Variants in ZNF446 observed in about 807,000 individuals in gnomAD.
ZNF446 encodes zinc finger protein with KRAB and SCAN domains 20.
Under a neutral mutation model 34.0 loss-of-function variants are expected in ZNF446, and 42 were observed. The observed-to-expected ratio is 1.23, with a 90% confidence interval of 0.96 to 1.60. The LOEUF (loss-of-function observed/expected upper bound fraction) is 1.60. Among genes scored for constraint, ZNF446 ranks in the 40% most tolerant of loss-of-function variants. The pLI is 0.00. For missense variants in ZNF446, 650 were observed against 600.2 expected, an observed-to-expected ratio of 1.08 and a Z score of -0.87; for synonymous variants, 315 against 251.0, an observed-to-expected ratio of 1.25 and a Z score of -2.41.
chr19:58,484,682 A>C (rs1365849867), downstream of ZNF446, among the ~76,000 whole-genome samples: 1 of 151,968 alleles, frequency 6.6e-6, no homozygotes, highest in African/African-American at 2.4e-5. Flanking sequence ...TTTTCGATAA[A>C]ATTTTTTTTA....
rs543909079 is a variant in ZNF446 at position 58,479,368 on chromosome 19, G to A, written c.628-275G>A. On this transcript the variant is annotated intron_variant, in intron 4 of 6. Coordinates refer to ENST00000594369, the MANE Select transcript of ZNF446 (RefSeq NM_017908.4). ...CCCCCAATCAGGGAGTTCATTCCTC[G>A]ATAAAGTCACTCAGGTCCCTGTGAT... 5.3e-5 allele frequency: 23 copies of A among 434,668 alleles called. No homozygotes were observed. In the East Asian group the frequency reaches 7.5e-4, roughly 14 times the overall value. 26.9% of individuals were successfully genotyped at this position (434,668 alleles called of 1,614,324 possible).
Position 58,477,502 on chromosome 19 carries a change from A to C in ZNF446, c.284A>C (p.Glu95Ala), listed in dbSNP as rs746750559. 1.9e-6 allele frequency: 3 copies of C among 1,613,120 alleles called. No individual in the cohort carries two copies. Among genetic ancestry groups the C allele is most frequent in the African/African-American group, 2.7e-5 (2 of 74,908 alleles). The change falls in exon 2 of 7, where the codon GAG becomes GCG. Residue 95 changes from glutamate (E) to alanine (A), a missense_variant. Glu to Ala is a moderately radical substitution (Grantham distance 107). Coordinates refer to ENST00000594369, the MANE Select transcript of ZNF446 (RefSeq NM_017908.4). ...CGCGGTCAGCGGCCAGGCAGTCCTGAGGAGGCCGCTGCCCTAGTCGAAGGA... is the reference window on the plus strand; with the variant it reads ...CGCGGTCAGCGGCCAGGCAGTCCTGCGGAGGCCGCTGCCCTAGTCGAAGGA... ...WVRGQRPGSP[E>A]EAAALVEGLQ...
chr19:58,486,093 T>C (rs950712553), downstream of ZNF446, among the ~76,000 whole-genome samples: 4 of 142,670 alleles, frequency 2.8e-5, no homozygotes, highest in East Asian at 2.0e-4. Flanking sequence ...ACTTTCTTTT[T>C]TTTTTTTTTT....
chr19:58,485,836 T>C (rs989322252), downstream of ZNF446, among the ~76,000 whole-genome samples: 1 of 152,126 alleles, frequency 6.6e-6, no homozygotes, highest in East Asian at 1.9e-4. Flanking sequence ...CTTCTCTACT[T>C]CTCAAATTGC....
chr19:58,479,822 C>G (rs1460755210), intron 5 of ZNF446, 95 bp downstream of exon 5: 2 of 1,451,280 alleles, frequency 1.4e-6, no homozygotes, highest in Non-Finnish European at 1.9e-6. Context: ...GCTACCAGCC[C>G]TACCCAGCTC....
chr19:58,483,581 T>C (rs1420479134), downstream of ZNF446: 1 of 151,886 alleles, frequency 6.6e-6, no homozygotes, highest in East Asian at 1.9e-4. Flanking sequence ...GCCCAGGAGG[T>C]TAAGGCTGCA....
Position 58,481,154 on chromosome 19 carries a change from G to A in ZNF446, c.*428G>A, listed in dbSNP as rs1226124504. ...AGTGTGGAGAGCAGCAGAAGACCCAGGAAAGCACAGTTGGCTTCCGTTTCT... is the reference window on the plus strand; with the variant it reads ...AGTGTGGAGAGCAGCAGAAGACCCAAGAAAGCACAGTTGGCTTCCGTTTCT... On this transcript the variant is annotated 3_prime_UTR_variant, in exon 7 of 7. Coordinates refer to ENST00000594369, the MANE Select transcript of ZNF446 (RefSeq NM_017908.4). 1 of 178,430 alleles carries A rather than the reference G, an allele frequency of 5.6e-6. No individual in the cohort carries two copies. The highest frequency in any genetic ancestry group is 1.2e-5 in the Non-Finnish European group (1 of 84,304). The allele number at this position is 178,430 out of a possible 1,614,324, so 11.1% of individuals were successfully genotyped here.
chr19:58,480,828 G>T lies in ZNF446; in HGVS notation c.*102G>T. The stretch of plus-strand genomic sequence containing the variant: ...ACTCTGGAGGCAGCAGGGGATGCCA[G>T]AGTGAACAAGGGGTCCCAAGCCAGT... On this transcript the variant is annotated 3_prime_UTR_variant, in exon 7 of 7. Coordinates refer to ENST00000594369, the MANE Select transcript of ZNF446 (RefSeq NM_017908.4). The surrounding 1 kb of genome is among the most constrained non-coding windows in gnomAD (Gnocchi z 7.2). 7.2e-7 allele frequency: 1 copy of T among 1,394,850 alleles called. No homozygotes were observed. The highest frequency in any genetic ancestry group is 2.3e-5 in the East Asian group (1 of 42,982). 86.4% of individuals were successfully genotyped at this position (1,394,850 alleles called of 1,614,324 possible).
chr19:58,478,037 C>T (rs775673931), intron 3 of ZNF446, 50 bp from the exon 4 acceptor site: 6 of 1,543,024 alleles, frequency 3.9e-6, no homozygotes, highest in Admixed American at 3.6e-5. Flanking sequence ...TCTGCCATGG[C>T]TCATGTGGGC....
At chr19:58,484,289 A>C (rs1600015934), downstream of ZNF446, among the ~76,000 whole-genome samples, 1 of 148,460 alleles carries the variant, frequency 6.7e-6, no homozygotes, top group Non-Finnish European at 1.5e-5. Context: ...AAAAAAAAAA[A>C]AAAAACACAC....
At position 58,480,696 on chromosome 19, in the gene ZNF446, C is replaced by G. The variant is rs140103278; in HGVS notation, c.1323C>G (p.His441Gln). The G allele has an allele frequency of 4.9e-5, 78 of 1,607,778 alleles. No homozygotes were observed. The highest frequency in any genetic ancestry group is 5.8e-5 in the Non-Finnish European group (69 of 1,179,526). The stretch of plus-strand genomic sequence containing the variant: ...ACTGGAAGTCGCAGCTGGTCATCCA[C>G]CGCAAGGGCCACCGGCCGGAGGTTC... Reference protein sequence around the residue: ...AFDWKSQLVIHRKGHRPEVP With the variant: ...AFDWKSQLVIQRKGHRPEVP Residue 441 changes from histidine to glutamine, a missense_variant, in exon 7 of 7, where the codon CAC becomes CAG. His to Gln is a conservative substitution (Grantham distance 24). Transcript: ENST00000594369. The surrounding 1 kb of genome is among the most constrained non-coding windows in gnomAD (Gnocchi z 7.2).
rs751356726 is a variant in ZNF446 at position 58,477,301 on chromosome 19, G to T, written c.83G>T (p.Arg28Leu). The T allele has an allele frequency of 7.4e-6, 12 of 1,612,902 alleles. No homozygotes were observed. The South Asian group carries it at 1.2e-4, about 16-fold the overall frequency. ...TLEEPETARL[R>L]FRGFCYQEVA... ...GAGGAGCCTGAGACTGCCCGCCTCC[G>T]CTTCCGAGGGTTCTGCTACCAGGAG... Residue 28 changes from arginine to leucine, a missense_variant, in exon 2 of 7, where the codon CGC becomes CTC. Arg to Leu is a moderately radical substitution (Grantham distance 102, BLOSUM62 -2). Transcript: ENST00000594369.
intron 1 of ZNF446, 69 bp from the exon 2 acceptor site, chr19:58,477,110 T>TGAGCCTGGTGTCTGCCTTCCCCTGGCCA: frequency 1.0e-6 from 1 of 982,244 alleles, no homozygotes; most frequent in East Asian, 2.4e-5. Context: ...CCCCCTGGGC[T>TGAGCCTGGTGTCTGCCTTCCCCTGGCCA]GAGCCTGGTG....
intron 4 of ZNF446, among the ~76,000 whole-genome samples, 169 bp downstream of exon 4, chr19:58,478,350 A>G (rs1254907748): frequency 6.6e-6 from 1 of 152,178 alleles, no homozygotes; most frequent in Non-Finnish European, 1.5e-5. Context: ...GCAGAGGGAC[A>G]GACTGGTGAT....
chr19:58,478,064 C>T, intron 3 of ZNF446, 23 bp from the exon 4 acceptor site: 1 of 1,601,000 alleles, frequency 6.2e-7, no homozygotes, highest in Non-Finnish European at 8.5e-7. Context: ...TGACACCACC[C>T]TTCCATCTGC....
At chr19:58,482,329 A>C (rs928277771), downstream of ZNF446, among the ~76,000 whole-genome samples, 2 of 151,764 alleles carry the variant, frequency 1.3e-5, no homozygotes, top group African/African-American at 2.4e-5. Context: ...CTTGTCCCCT[A>C]CCTGCACACT....
chr19:58,482,103 G>A (rs1239898780), downstream of ZNF446, among the ~76,000 whole-genome samples: 1 of 152,108 alleles, frequency 6.6e-6, no homozygotes. Flanking sequence ...CAAAATCAAG[G>A]TTTTAACAGG....
In ZNF446 at chr19:58,479,950, G is replaced by GAGGCAC. The variant is rs746458583; in HGVS notation, c.738_743dup (p.Ala248_Gln249dup). On this transcript the variant is annotated inframe_insertion, in exon 6 of 7. Transcript: ENST00000594369. ...GGCAGGGTTACCGCCCCACCAGCCA[G>GAGGCAC]AGGCACAGGCCCAGTCAGAGCTGGG... is the stretch of plus-strand genomic sequence containing the variant. 3.8e-6 allele frequency: 6 copies of GAGGCAC among 1,586,494 alleles called. No individual in the cohort carries two copies. In the East Asian group the frequency reaches 1.4e-4, roughly 36 times the overall value.
At chr19:58,478,492 T>C (rs1432634235) in intron 4 of ZNF446, among the ~76,000 whole-genome samples, 5 of 152,056 alleles carry the variant, frequency 3.3e-5, no homozygotes, top group Non-Finnish European at 7.4e-5. Flanking sequence ...GGTGAAACCC[T>C]GTATCTACTA....
Sources: allele counts gnomAD v4.1 joint callset (sites outside exome capture counted in the v4.1 genomes callset), GRCh38; gene constraint gnomAD v4.1.1; non-coding constraint Gnocchi (gnomAD v3.1); transcripts MANE v1.5; gene names NCBI Gene and HGNC (gene_info 2026-07-23, HGNC 2026-07-21).